NCAPD3: variants seen among roughly 807,000 people sequenced by gnomAD.
The protein encoded by NCAPD3 is non-SMC condensin II complex subunit D3.
NCAPD3 carries 105 observed loss-of-function variants against 182.9 expected under a neutral mutation model. The ratio of observed to expected loss-of-function variants is 0.57; its 90% CI spans 0.49 to 0.68. The LOEUF is 0.68. NCAPD3 is among the 30% of genes least tolerant of loss of function. The pLI is 0.00. For synonymous variants in NCAPD3, 815 were observed against 679.9 expected, an observed-to-expected ratio of 1.20 and a Z score of -3.09; for missense variants, 1,944 against 1,837.0, an observed-to-expected ratio of 1.06 and a Z score of -1.07.
intron 30 of NCAPD3, 53 bp downstream of exon 30, chr11:134,158,276 G>C (rs1193545406): frequency 1.2e-6 from 2 of 1,605,092 alleles, no homozygotes; most frequent in African/African-American, 2.7e-5. Flanking sequence ...GGACGCCTCT[G>C]AGAACATCGC....
chr11:134,199,572 A>C (rs1313130710), intron 13 of NCAPD3, among the ~76,000 whole-genome samples: 1 of 152,238 alleles, frequency 6.6e-6, no homozygotes, highest in African/African-American at 2.4e-5. Flanking sequence ...GATGCTGGGC[A>C]GCAAGAGTAG....
At chr11:134,181,699 C>A (rs1944300875) in intron 19 of NCAPD3, among the ~76,000 whole-genome samples, 1 of 152,176 alleles carries the variant, frequency 6.6e-6, no homozygotes, top group African/African-American at 2.4e-5. Flanking sequence ...GCACATTGGA[C>A]TGTTCCTCTA....
chr11:134,184,536 T>C, intron 19 of NCAPD3, 101 bp downstream of exon 19: 1 of 777,130 alleles, frequency 1.3e-6, no homozygotes, highest in Non-Finnish European at 2.1e-6. Context: ...TCCTTACACG[T>C]CCTCTTATTT....
rs1202251401 is a variant in NCAPD3, at chr11:134,153,477, C to T, written c.4253-114G>A. 4 of 1,031,852 alleles carry T rather than the reference C, an allele frequency of 3.9e-6. No individual in the cohort carries two copies. The East Asian group carries it at 7.2e-5, about 18-fold the overall frequency. The allele number at this position is 1,031,852 out of a possible 1,614,324, so 63.9% of individuals were successfully genotyped here. On this transcript the variant is annotated intron_variant, in intron 32 of 34. Transcript: ENST00000534548. ...TCCACATCAGTGTCCCAGCGGCGGC[C>T]CTCAGACCTCCACTGGACCCTGTCC... is the stretch of plus-strand genomic sequence containing the variant.
chr11:134,197,360 T>C (rs924782522), intron 13 of NCAPD3, among the ~76,000 whole-genome samples: 3 of 139,900 alleles, frequency 2.1e-5, no homozygotes, highest in African/African-American at 8.1e-5. Context: ...CACTGCAACC[T>C]CTACCTCCCA....
At chr11:134,157,888 T>G (rs754391619) in intron 31 of NCAPD3, 40 bp downstream of exon 31, 3 of 1,572,952 alleles carry the variant, frequency 1.9e-6, no homozygotes, top group Non-Finnish European at 2.6e-6. Flanking sequence ...TTTTCATCTG[T>G]AAATGCTCTA....
chr11:134,152,345 C>T lies in NCAPD3; in HGVS notation c.*599G>A, dbSNP rs759057585. ...TTTTCTAATAGGGAAGATTTGGTTTCATTCCTCTAACAAACAAACATGCTT... is the reference window on the plus strand; with the variant it reads ...TTTTCTAATAGGGAAGATTTGGTTTTATTCCTCTAACAAACAAACATGCTT... On this transcript the variant is annotated 3_prime_UTR_variant, in exon 35 of 35. Coordinates refer to ENST00000534548, the MANE Select transcript of NCAPD3 (RefSeq NM_015261.3). 6.6e-6 allele frequency: 1 copy of T among 152,236 alleles called. No homozygotes were observed. Among genetic ancestry groups the T allele is most frequent in the Non-Finnish European group, 1.5e-5 (1 of 68,038 alleles). The allele number at this position is 152,236 out of a possible 1,614,324, so 9.4% of individuals were successfully genotyped here.
Position 134,176,850 on chromosome 11 carries a change from C to A in NCAPD3, c.3021+369G>T, listed in dbSNP as rs547567400. On this transcript the variant is annotated intron_variant, in intron 23 of 34. Transcript: ENST00000534548. ...CAGAGCCCAGCGCGAACACCATGAT[C>A]CCCATTTGACGAAGGAAGAAGTTAC... is the stretch of plus-strand genomic sequence containing the variant. Among the ~76,000 whole-genome samples the A allele has an allele frequency of 2.0e-5, 3 of 152,326 alleles. No homozygotes were observed. In the East Asian group the frequency reaches 5.8e-4, roughly 29 times the overall value.
chr11:134,164,678 ACACT>A (rs1943707062), intron 27 of NCAPD3, among the ~76,000 whole-genome samples: 1 of 150,562 alleles, frequency 6.6e-6, no homozygotes, highest in South Asian at 2.1e-4. Context: ...GGGGAGCTGC[ACACT>A]CACTTGTAAA....
At chr11:134,158,591 G>C in intron 29 of NCAPD3, 96 bp from the exon 30 acceptor site, 2 of 1,304,648 alleles carry the variant, frequency 1.5e-6, no homozygotes, top group Non-Finnish European at 2.1e-6. Context: ...GTCCATATGA[G>C]ATTTTGATAC....
intron 27 of NCAPD3, among the ~76,000 whole-genome samples, chr11:134,167,432 G>A (rs1162359378): frequency 1.6e-5 from 2 of 122,208 alleles, no homozygotes; most frequent in African/African-American, 6.5e-5. Flanking sequence ...TGGGGGAGGC[G>A]CACACTCGTG....
At chr11:134,172,824 G>C (rs1203664821) in intron 24 of NCAPD3, among the ~76,000 whole-genome samples, 1 of 151,996 alleles carries the variant, frequency 6.6e-6, no homozygotes, top group Non-Finnish European at 1.5e-5. Context: ...GATTGCTTGA[G>C]CTCAGGAGCA....
At chr11:134,167,397 T>G (rs1409086971) in intron 27 of NCAPD3, among the ~76,000 whole-genome samples, 1 of 57,828 alleles carries the variant, frequency 1.7e-5, no homozygotes, top group Non-Finnish European at 3.1e-5. Flanking sequence ...TTAGGGGAGC[T>G]GCACACTCAC....
rs1565513641 is a variant in NCAPD3, at chr11:134,154,541, AGCCTCACCCCTCCTG to A, written c.4253-1193_4253-1179del. ...CCTGTCTTGGAGGCCCGGGTGGTGC[AGCCTCACCCCTCCTG>A]GGTGGTGCAGCCTCGCCCCTCCTGG... On this transcript the variant is annotated intron_variant, in intron 32 of 34. Transcript: ENST00000534548. 5.0e-3 allele frequency among the ~76,000 whole-genome samples: 428 copies of A among 85,518 alleles called. 11 individuals are homozygous for A. The highest frequency in any genetic ancestry group is 0.019 in the African/African-American group (412 of 21,600). 56.1% of individuals were successfully genotyped at this position (85,518 alleles called of 152,430 possible).
chr11:134,171,292 T>G (rs190125127), intron 24 of NCAPD3, among the ~76,000 whole-genome samples: 82 of 152,318 alleles, frequency 5.4e-4, no homozygotes, highest in African/African-American at 1.8e-3. Flanking sequence ...AGTGATTACC[T>G]TATTACAGCC....
intron 34 of NCAPD3, 33 bp downstream of exon 34, chr11:134,153,107 C>T (rs749407616): frequency 6.2e-7 from 1 of 1,612,922 alleles, no homozygotes; most frequent in Non-Finnish European, 8.5e-7. Flanking sequence ...CTGACAGAAA[C>T]ATCCACCTCA....
intron 27 of NCAPD3, among the ~76,000 whole-genome samples, chr11:134,165,847 G>A (rs1260549668): frequency 6.9e-6 from 1 of 143,894 alleles, no homozygotes; most frequent in Non-Finnish European, 1.5e-5. Flanking sequence ...ACACTCGTGA[G>A]ATGAGCTTAG....
upstream of NCAPD3, chr11:134,224,111 G>A: frequency 4.3e-6 from 3 of 704,562 alleles, no homozygotes; most frequent in African/African-American, 3.6e-5. Context: ...TCAGAGAACT[G>A]GGCGGGCCGA....
upstream of NCAPD3, chr11:134,223,982 C>G: frequency 3.1e-6 from 5 of 1,592,890 alleles, no homozygotes; most frequent in Non-Finnish European, 4.3e-6. Flanking sequence ...CTCGCTCCCG[C>G]GCGCGCGCCG....
Sources: gnomAD v4.1 joint callset for allele counts (sites outside exome capture counted in the v4.1 genomes callset) on GRCh38, gnomAD v4.1.1 for gene constraint, MANE v1.5 for transcripts, NCBI Gene and HGNC (gene_info 2026-07-23, HGNC 2026-07-21) for gene names.